The following SRGAP1 variants were observed in gnomAD, a reference collection of about 807,000 sequenced individuals.
SRGAP1 encodes the protein SLIT-ROBO Rho GTPase-activating protein 1.
Under a neutral mutation model 121.9 loss-of-function variants are expected in SRGAP1, and 43 were observed. That is an observed-to-expected ratio of 0.35 (90% CI 0.28 to 0.46). The LOEUF is 0.46. SRGAP1 is among the 20% of genes least tolerant of loss of function. The pLI is 1.00. For synonymous variants in SRGAP1, 447 were observed against 485.4 expected (o/e 0.92, Z 1.04); for missense variants, 1,102 against 1,350.9 (o/e 0.82, Z 2.89).
At chr12:64,137,980 AT>A in intron 21 of SRGAP1, among the ~76,000 whole-genome samples, 1 of 145,516 alleles carries the variant, frequency 6.9e-6, no homozygotes, top group African/African-American at 2.6e-5. Context: ...ATATATATAT[AT>A]AAAAAATAAT....
At chr12:63,875,277 G>GGTGT (rs142238376) in intron 1 of SRGAP1, among the ~76,000 whole-genome samples, 14 of 150,928 alleles carry the variant, frequency 9.3e-5, no homozygotes, top group Admixed American at 1.3e-4. Context: ...GTTATTGTTT[G>GGTGT]GTGTGTGTGT....
intron 1 of SRGAP1, among the ~76,000 whole-genome samples, chr12:63,853,101 C>A (rs1899128379): frequency 6.6e-6 from 1 of 151,462 alleles, no homozygotes; most frequent in Non-Finnish European, 1.5e-5. Context: ...CTCACTGCAA[C>A]CTCCGTTTCC....
intron 8 of SRGAP1, among the ~76,000 whole-genome samples, chr12:64,067,831 A>T (rs1219547638): frequency 6.6e-6 from 1 of 151,912 alleles, no homozygotes; most frequent in Non-Finnish European, 1.5e-5. Flanking sequence ...TACAATAAAT[A>T]CTGAAGGTCC....
rs1000707400 is a variant in SRGAP1 at position 63,945,177 on chromosome 12, T to C, written c.68-38770T>C. On this transcript the variant is annotated intron_variant, in intron 1 of 21. Coordinates refer to ENST00000355086, the MANE Select transcript of SRGAP1 (RefSeq NM_020762.4). ...AATCTGGACTCAGCACTTTTACTTTTAACTCTTTCTTGCCATTAATGTTAA... is the reference window on the plus strand; with the variant it reads ...AATCTGGACTCAGCACTTTTACTTTCAACTCTTTCTTGCCATTAATGTTAA... 1.3e-4 allele frequency among the ~76,000 whole-genome samples: 20 copies of C among 152,106 alleles called. 1 individual carries two copies. Among genetic ancestry groups the C allele is most frequent in the Non-Finnish European group, 4.4e-5 (3 of 68,014 alleles).
intron 1 of SRGAP1, among the ~76,000 whole-genome samples, chr12:63,861,388 C>T (rs1039368818): frequency 2.0e-5 from 3 of 151,414 alleles, no homozygotes; most frequent in African/African-American, 7.3e-5. Flanking sequence ...CAACCTCCGC[C>T]TCCCAGGATC....
chr12:64,097,123 C>G (rs2036170180), intron 14 of SRGAP1, 118 bp from the exon 15 acceptor site: 19 of 1,036,160 alleles, frequency 1.8e-5, no homozygotes, highest in Non-Finnish European at 2.5e-5. Flanking sequence ...TATAATCTTT[C>G]ATAAAGCATA....
Position 64,144,481 on chromosome 12 carries a change from A to G in SRGAP1, c.*1809A>G, listed in dbSNP as rs1421173579. On this transcript the variant is annotated 3_prime_UTR_variant, in exon 22 of 22. Transcript: ENST00000355086. The stretch of plus-strand genomic sequence containing the variant: ...CTCAGTTTGCCAGTGTAGTCATTCT[A>G]TTGCAGGAAGAGATTAAATTGATGA... 2.6e-5 allele frequency: 4 copies of G among 152,180 alleles called. No individual in the cohort carries two copies. Among genetic ancestry groups the G allele is most frequent in the Non-Finnish European group, 5.9e-5 (4 of 68,020 alleles). 9.4% of individuals were successfully genotyped at this position (152,180 alleles called of 1,614,324 possible).
intron 3 of SRGAP1, among the ~76,000 whole-genome samples, chr12:64,007,103 C>T (rs1343052174): frequency 3.3e-5 from 5 of 152,130 alleles, no homozygotes; most frequent in African/African-American, 7.2e-5. Flanking sequence ...AAGATCTTAG[C>T]TTCAACCCCT....
intron 8 of SRGAP1, among the ~76,000 whole-genome samples, chr12:64,072,237 A>G (rs789708): frequency 1 from 149,937 of 149,952 alleles, 74,961 homozygotes; most frequent in Non-Finnish European, 1. Flanking sequence ...GTCAGCAATG[A>G]CAAGTAGGAA....
At chr12:63,916,032 C>CTTTTTTTTTTTTTTTTT (rs140042368) in intron 1 of SRGAP1, among the ~76,000 whole-genome samples, 1 of 125,204 alleles carries the variant, frequency 8.0e-6, no homozygotes, top group Non-Finnish European at 1.6e-5. Flanking sequence ...CTTTTCTTTT[C>CTTTTTTTTTTTTTTTTT]TTTTTTTTTT....
rs116837100 is a variant in SRGAP1, at chr12:63,987,450, C to T, written c.264-2460C>T. ...TAGAAAAGATACAAAGGGTCGGGTGCGGTGGCTCACACCTGTAATCCCAGC... is the reference window on the plus strand; with the variant it reads ...TAGAAAAGATACAAAGGGTCGGGTGTGGTGGCTCACACCTGTAATCCCAGC... On this transcript the variant is annotated intron_variant, in intron 2 of 21. Coordinates refer to ENST00000355086, the MANE Select transcript of SRGAP1 (RefSeq NM_020762.4). Among the ~76,000 whole-genome samples, 770 of 152,156 alleles carry T rather than the reference C, an allele frequency of 5.1e-3. 3 individuals are homozygous for T. Among genetic ancestry groups the T allele is most frequent in the African/African-American group, 0.018 (736 of 41,506 alleles).
At chr12:63,954,688 A>AAAAAAAAAAAAAAAAAAAAAAAAG (rs57230527) in intron 1 of SRGAP1, among the ~76,000 whole-genome samples, 1 of 130,214 alleles carries the variant, frequency 7.7e-6, no homozygotes, top group African/African-American at 2.8e-5. Context: ...AAAAAAAAAA[A>AAAAAAAAAAAAAAAAAAAAAAAAG]AAAAGAAAAG....
intron 16 of SRGAP1, among the ~76,000 whole-genome samples, chr12:64,109,858 G>A (rs926392028): frequency 2.6e-5 from 4 of 152,054 alleles, no homozygotes; most frequent in Non-Finnish European, 4.4e-5. Flanking sequence ...CAGAAGCCAC[G>A]GTGATTTATT....
rs960260885 is a variant in SRGAP1, at chr12:64,003,480, A to G, written c.426+13408A>G. On this transcript the variant is annotated intron_variant, in intron 3 of 21. Transcript: ENST00000355086. ...GAATGGAAAGCCAGGAAGTTTCAGA[A>G]AAAAAAAAAAAAAAAAAAAGGTATA... Among the ~76,000 whole-genome samples, 174 of 125,198 alleles carry G rather than the reference A, an allele frequency of 1.4e-3. 1 individual carries two copies. Among genetic ancestry groups the G allele is most frequent in the African/African-American group, 2.2e-3 (45 of 20,304 alleles). The allele number at this position is 125,198 out of a possible 152,430, so 82.1% of individuals were successfully genotyped here.
In SRGAP1 at chr12:64,125,943, T is replaced by G. The variant is rs773177433; in HGVS notation, c.2225-34T>G. On this transcript the variant is annotated intron_variant, in intron 18 of 21. Coordinates refer to ENST00000355086, the MANE Select transcript of SRGAP1 (RefSeq NM_020762.4). ...GGATACCATGCCTTCCTAACAACCC[T>G]GTTTCTCGCTGTTTTCTGGTGTGTT... 8.7e-6 allele frequency: 14 copies of G among 1,603,224 alleles called. No homozygotes were observed. In the South Asian group the frequency reaches 1.0e-4, roughly 12 times the overall value.
At chr12:63,882,352 G>T (rs1241923663) in intron 1 of SRGAP1, among the ~76,000 whole-genome samples, 2 of 152,070 alleles carry the variant, frequency 1.3e-5, no homozygotes, top group Admixed American at 1.3e-4. Context: ...CGCAATCTCG[G>T]CTCACTGCAG....
At chr12:63,934,816 T>A (rs955493187) in intron 1 of SRGAP1, among the ~76,000 whole-genome samples, 3 of 152,226 alleles carry the variant, frequency 2.0e-5, no homozygotes, top group Non-Finnish European at 2.9e-5. Context: ...TTCTACATAT[T>A]TTCATTGATT....
intron 1 of SRGAP1, among the ~76,000 whole-genome samples, chr12:63,915,500 GAAAT>G (rs2030731075): frequency 6.6e-6 from 1 of 152,152 alleles, no homozygotes; most frequent in Admixed American, 6.5e-5. Flanking sequence ...CATTCATAGA[GAAAT>G]AAAATATGTG....
chr12:63,981,061 C>A (rs2033232773), intron 1 of SRGAP1, among the ~76,000 whole-genome samples: 1 of 152,164 alleles, frequency 6.6e-6, no homozygotes, highest in Admixed American at 6.5e-5. Flanking sequence ...GCTCTGGATT[C>A]TGTTCCTTAC....
Sources: gnomAD v4.1 joint callset for allele counts (sites outside exome capture counted in the v4.1 genomes callset) on GRCh38, gnomAD v4.1.1 for gene constraint, MANE v1.5 for transcripts, NCBI Gene and HGNC (gene_info 2026-07-23, HGNC 2026-07-21) for gene names.